HIVEP2: variants seen among roughly 807,000 people sequenced by gnomAD.
The protein encoded by HIVEP2 is HIVEP zinc finger 2.
A neutral mutation model predicts 180.7 loss-of-function variants in HIVEP2; 14 were observed. That is an observed-to-expected ratio of 0.08 (90% CI 0.05 to 0.12). The LOEUF (loss-of-function observed/expected upper bound fraction) is 0.12. HIVEP2 is among the 10% of genes least tolerant of loss of function. The pLI is 1.00. For synonymous variants in HIVEP2, 1,184 were observed against 1,136.4 expected (o/e 1.04, Z -0.84); for missense variants, 2,579 against 3,008.5 (o/e 0.86, Z 3.34).
At chr6:142,855,199 TA>T (rs1392257506) in intron 1 of HIVEP2, among the ~76,000 whole-genome samples, 1 of 152,168 alleles carries the variant, frequency 6.6e-6, no homozygotes, top group African/African-American at 2.4e-5. Flanking sequence ...ACCCACGTGG[TA>T]AGTTCACCCA....
chr6:142,900,961 TCA>T (rs1244812480), intron 1 of HIVEP2, among the ~76,000 whole-genome samples: 2 of 152,230 alleles, frequency 1.3e-5, no homozygotes, highest in Non-Finnish European at 2.9e-5. Context: ...GATGGAAGGA[TCA>T]CAGTGCTTTT....
At chr6:142,778,278 T>A (rs1775755619) in intron 3 of HIVEP2, among the ~76,000 whole-genome samples, 1 of 152,194 alleles carries the variant, frequency 6.6e-6, no homozygotes, top group African/African-American at 2.4e-5. Flanking sequence ...TTTCCTTGTG[T>A]CAATTCCAGG....
intron 1 of HIVEP2, among the ~76,000 whole-genome samples, chr6:142,944,639 A>C (rs1273966006): frequency 3.9e-5 from 6 of 152,150 alleles, no homozygotes; most frequent in Non-Finnish European, 7.4e-5. Context: ...TGGCTGCACC[A>C]CGTCATGGAA....
intron 1 of HIVEP2, among the ~76,000 whole-genome samples, chr6:142,878,112 G>A (rs1198360497): frequency 6.6e-6 from 1 of 152,028 alleles, no homozygotes; most frequent in Non-Finnish European, 1.5e-5. Flanking sequence ...GATATTCTCG[G>A]CAATTGTCAG....
At chr6:142,778,896 T>C (rs2114680243) in intron 3 of HIVEP2, among the ~76,000 whole-genome samples, 1 of 152,312 alleles carries the variant, frequency 6.6e-6, no homozygotes, top group East Asian at 1.9e-4. Flanking sequence ...TCTCAACTTT[T>C]AATGGTTCTG....
rs917976603 is a variant in HIVEP2 at position 142,945,035 on chromosome 6, G to A, written c.-641+64C>T. 6.8e-6 allele frequency: 1 copy of A among 146,752 alleles called. No individual in the cohort carries two copies. Among genetic ancestry groups the A allele is most frequent in the South Asian group, 2.1e-4 (1 of 4,830 alleles). The allele number at this position is 146,752 out of a possible 1,614,324, so 9.1% of individuals were successfully genotyped here. On this transcript the variant is annotated intron_variant, in intron 1 of 9. Coordinates refer to ENST00000367603, the MANE Select transcript of HIVEP2 (RefSeq NM_006734.4). This position sits in a 1 kb window ranked among gnomAD's most constrained non-coding sequence, Gnocchi z 5.5. ...TCGCTCGGCCGCAGGCCGGCGGCCC[G>A]GGCCTCGCGCCGCCAGCCCGCCCGG...
chr6:142,885,953 A>C (rs1776687347), intron 1 of HIVEP2, among the ~76,000 whole-genome samples: 2 of 152,214 alleles, frequency 1.3e-5, no homozygotes, highest in African/African-American at 2.4e-5. Flanking sequence ...AAAGAAATAC[A>C]GCCTTACTTG....
At chr6:142,854,891 A>C (rs2114935207) in intron 1 of HIVEP2, among the ~76,000 whole-genome samples, 1 of 152,296 alleles carries the variant, frequency 6.6e-6, no homozygotes, top group Non-Finnish European at 1.5e-5. Context: ...ATGTAGGAAA[A>C]AGAATGAAAG....
chr6:142,912,552 G>T (rs902771539), intron 1 of HIVEP2, among the ~76,000 whole-genome samples: 2 of 152,204 alleles, frequency 1.3e-5, no homozygotes, highest in Non-Finnish European at 2.9e-5. Context: ...ACCAGTAATG[G>T]TCCATGGCCT....
chr6:142,891,504 A>G (rs905513117), intron 1 of HIVEP2, among the ~76,000 whole-genome samples: 4 of 152,178 alleles, frequency 2.6e-5, no homozygotes, highest in Non-Finnish European at 5.9e-5. Context: ...TATGCCAGGT[A>G]GGACAATCAC....
intron 2 of HIVEP2, among the ~76,000 whole-genome samples, chr6:142,826,084 T>C (rs1057270892): frequency 1.6e-4 from 24 of 152,320 alleles, no homozygotes; most frequent in African/African-American, 5.1e-4. Flanking sequence ...AGACCAATCA[T>C]GTTTCTTCAG....
At position 142,769,836 on chromosome 6, in the gene HIVEP2, T is replaced by C; in HGVS notation, c.4903A>G (p.Ile1635Val). 1.2e-6 allele frequency: 2 copies of C among 1,614,184 alleles called. No individual in the cohort carries two copies. The highest frequency in any genetic ancestry group is 1.1e-5 in the South Asian group (1 of 91,088). ...GTCCGCAGACTGGGGAACTGAAGAA[T>C]CTGCTGGAAATCTGCCATGTCCGTG... The part of the protein sequence containing the change: ...LLTDMADFQQ[I>V]LQFPSLRTTT... Residue 1635 changes from isoleucine (I) to valine (V), a missense_variant, in exon 5 of 10, where the codon ATT (isoleucine) becomes GTT (valine). Ile to Val is a conservative substitution (Grantham distance 29). Transcript: ENST00000367603.
rs1234621382 is a variant in HIVEP2, at chr6:142,862,999, TAC to T, written c.-640-25954_-640-25953del. ...TGTAATATATAATATGATATATAAT[TAC>T]ATATATTATATATTACATACAATAT... On this transcript the variant is annotated intron_variant, in intron 1 of 9. Coordinates refer to ENST00000367603, the MANE Select transcript of HIVEP2 (RefSeq NM_006734.4). Among the ~76,000 whole-genome samples, 4 of 141,578 alleles carry T rather than the reference TAC, an allele frequency of 2.8e-5. No homozygotes were observed. In the South Asian group the frequency reaches 6.4e-4, roughly 23 times the overall value. 92.9% of individuals were successfully genotyped at this position (141,578 alleles called of 152,430 possible).
At chr6:142,819,970 A>G (rs1183704901) in intron 2 of HIVEP2, among the ~76,000 whole-genome samples, 5 of 152,134 alleles carry the variant, frequency 3.3e-5, no homozygotes, top group African/African-American at 1.2e-4. Context: ...CAGCAGAAAA[A>G]TGCAAATCTG....
chr6:142,941,085 A>G (rs533142989), intron 1 of HIVEP2, among the ~76,000 whole-genome samples: 4 of 152,362 alleles, frequency 2.6e-5, no homozygotes, highest in Non-Finnish European at 5.9e-5. Flanking sequence ...ATGGGAGTGT[A>G]TGTTAAGATA....
At chr6:142,900,233 CTGTCACTTTTGAA>C (rs1224755843) in intron 1 of HIVEP2, among the ~76,000 whole-genome samples, 2 of 152,136 alleles carry the variant, frequency 1.3e-5, no homozygotes, top group African/African-American at 4.8e-5. Context: ...AGTGGTGATG[CTGTCACTTTTGAA>C]TGAAGAAACT....
intron 9 of HIVEP2, among the ~76,000 whole-genome samples, chr6:142,755,304 T>C (rs1226680962): frequency 6.6e-6 from 1 of 152,218 alleles, no homozygotes; most frequent in Non-Finnish European, 1.5e-5. Flanking sequence ...GGTGGGAATT[T>C]TACGGTATGA....
At chr6:142,792,460 G>C (rs1255080087) in intron 2 of HIVEP2, among the ~76,000 whole-genome samples, 2 of 151,964 alleles carry the variant, frequency 1.3e-5, no homozygotes, top group South Asian at 4.1e-4. Flanking sequence ...AAACTAACAG[G>C]GGAACAGAAA....
At chr6:142,896,747 G>A (rs931394528) in intron 1 of HIVEP2, among the ~76,000 whole-genome samples, 1 of 152,122 alleles carries the variant, frequency 6.6e-6, no homozygotes, top group African/African-American at 2.4e-5. Flanking sequence ...GCCCCAATCA[G>A]TCCTTTCTGG....
Sources: allele counts gnomAD v4.1 joint callset (sites outside exome capture counted in the v4.1 genomes callset), GRCh38; gene constraint gnomAD v4.1.1; non-coding constraint Gnocchi (gnomAD v3.1); transcripts MANE v1.5; gene names NCBI Gene and HGNC (gene_info 2026-07-23, HGNC 2026-07-21).